The following RREB1 variants were observed in gnomAD, a reference collection of about 807,000 sequenced individuals.
RREB1 encodes the protein ras responsive element binding protein 1, also known as ras-responsive element-binding protein 1.
RREB1 carries 27 observed loss-of-function variants against 117.8 expected under a neutral mutation model. The observed-to-expected ratio is 0.23, with a 90% CI of 0.17 to 0.32. The LOEUF (loss-of-function observed/expected upper bound fraction) is 0.32. Among genes scored for constraint, RREB1 ranks in the 10% least tolerant of loss-of-function variants. The pLI is 1.00. For synonymous variants in RREB1, 1,298 were observed against 1,026.7 expected (o/e 1.26, Z -5.05); for missense variants, 2,577 against 2,378.2 (o/e 1.08, Z -1.74).
Position 7,211,705 on chromosome 6 carries a change from C to T in RREB1, c.703C>T (p.Leu235=). Residue 235 remains leucine (L), a synonymous_variant, in exon 8 of 13, where the codon CTA becomes TTA. Coordinates refer to ENST00000379938, the MANE Select transcript of RREB1 (RefSeq NM_001003699.4). Reference sequence around the variant, plus strand: ...CATGGAGACCCATTCAGATAACCCACTAAGGTAGGAGAAAGAGTGAACTAG... The same window carrying T: ...CATGGAGACCCATTCAGATAACCCATTAAGGTAGGAGAAAGAGTGAACTAG... ...THMETHSDNP[L]RCDICCVTFR... The T allele has an allele frequency of 6.2e-7, 1 of 1,614,066 alleles. No homozygotes were observed. Among genetic ancestry groups the T allele is most frequent in the Non-Finnish European group, 8.5e-7 (1 of 1,179,944 alleles).
At position 7,109,507 on chromosome 6, in the gene RREB1, C is replaced by T. The variant is rs546829251; in HGVS notation, c.-285+1447C>T. Among the ~76,000 whole-genome samples the T allele has an allele frequency of 1.9e-3, 288 of 152,052 alleles. 2 individuals are homozygous for T. The highest frequency in any genetic ancestry group is 6.7e-3 in the African/African-American group (278 of 41,522). ...CGAGCCCACCGATGGGCGAGGCCACCTTTCTCTCCGGGCGGGGCGGGGAGC... is the reference window on the plus strand; with the variant it reads ...CGAGCCCACCGATGGGCGAGGCCACTTTTCTCTCCGGGCGGGGCGGGGAGC... On this transcript the variant is annotated intron_variant, in intron 1 of 12. Transcript: ENST00000379938.
intron 1 of RREB1, among the ~76,000 whole-genome samples, chr6:7,116,829 G>A (rs3851530): frequency 0.014 from 2,205 of 152,310 alleles, 49 homozygotes; most frequent in African/African-American, 0.05. Context: ...TGCACTAAAA[G>A]CTGTCACACT....
intron 1 of RREB1, among the ~76,000 whole-genome samples, chr6:7,149,337 A>G (rs1439196905): frequency 6.6e-6 from 1 of 152,250 alleles, no homozygotes; most frequent in Non-Finnish European, 1.5e-5. Context: ...CAGAGAAGTC[A>G]TAGACATCCT....
intron 1 of RREB1, among the ~76,000 whole-genome samples, chr6:7,153,548 T>G (rs1027620484): frequency 6.6e-5 from 10 of 152,196 alleles, no homozygotes; most frequent in African/African-American, 2.4e-4. Context: ...GTAAATAATT[T>G]TTTTAGTTAG....
chr6:7,200,269 TG>T (rs1353221999), intron 6 of RREB1, among the ~76,000 whole-genome samples: 39 of 138,742 alleles, frequency 2.8e-4, no homozygotes, highest in African/African-American at 1.1e-3. Context: ...TGTGTGTGTG[TG>T]TGTGTGTGTG....
At chr6:7,232,434 T>C (rs1047704498) in intron 10 of RREB1, among the ~76,000 whole-genome samples, 3 of 152,232 alleles carry the variant, frequency 2.0e-5, no homozygotes, top group Non-Finnish European at 4.4e-5. Context: ...GGTTGGCTGT[T>C]TTCTTTCAGT....
intron 1 of RREB1, among the ~76,000 whole-genome samples, chr6:7,162,546 T>G (rs1763722270): frequency 6.6e-6 from 1 of 152,126 alleles, no homozygotes; most frequent in African/African-American, 2.4e-5. Context: ...AAGCCAGGGC[T>G]CTCTGTCTTA....
intron 1 of RREB1, among the ~76,000 whole-genome samples, chr6:7,127,749 G>C (rs1761999873): frequency 6.6e-6 from 1 of 152,196 alleles, no homozygotes; most frequent in Non-Finnish European, 1.5e-5. Flanking sequence ...GCAGCGTCTG[G>C]TGGAAATAGA....
At chr6:7,174,032 TG>T (rs1231268960) in intron 1 of RREB1, among the ~76,000 whole-genome samples, 4 of 152,144 alleles carry the variant, frequency 2.6e-5, no homozygotes, top group Non-Finnish European at 5.9e-5. Context: ...CCGTTGACTT[TG>T]CGTAAATCTT....
chr6:7,159,676 C>T (rs1763552970), intron 1 of RREB1, among the ~76,000 whole-genome samples: 1 of 152,062 alleles, frequency 6.6e-6, no homozygotes, highest in Non-Finnish European at 1.5e-5. Context: ...AGTGTTTTTA[C>T]TTATTGTTGG....
chr6:7,114,471 G>T (rs1004015238), intron 1 of RREB1, among the ~76,000 whole-genome samples: 4 of 151,284 alleles, frequency 2.6e-5, no homozygotes, highest in Non-Finnish European at 4.4e-5. Flanking sequence ...TTTCTGGTGG[G>T]GGGGGGGGCG....
At chr6:7,197,545 T>A (rs1765734499) in intron 6 of RREB1, among the ~76,000 whole-genome samples, 1 of 152,144 alleles carries the variant, frequency 6.6e-6, no homozygotes, top group Middle Eastern at 3.2e-3. Flanking sequence ...ATTAGCCAGA[T>A]TACCCATAAT....
At chr6:7,166,733 C>G (rs1763946009) in intron 1 of RREB1, among the ~76,000 whole-genome samples, 1 of 152,176 alleles carries the variant, frequency 6.6e-6, no homozygotes, top group African/African-American at 2.4e-5. Context: ...GGAGTGTCAT[C>G]CTGAATTCTG....
rs576380046 is a variant in RREB1, at chr6:7,165,640, G to A, written c.-284-11015G>A. On this transcript the variant is annotated intron_variant, in intron 1 of 12. Coordinates refer to ENST00000379938, the MANE Select transcript of RREB1 (RefSeq NM_001003699.4). ...TGCTACAGAGATTTTCCCTGTTAAG[G>A]TGTGTCTGACCCATGGGGACTGGGT... 3.3e-5 allele frequency among the ~76,000 whole-genome samples: 5 copies of A among 152,304 alleles called. No homozygotes were observed. In the South Asian group the frequency reaches 8.3e-4, roughly 25 times the overall value.
chr6:7,121,644 A>C (rs1761684122), intron 1 of RREB1, among the ~76,000 whole-genome samples: 1 of 152,040 alleles, frequency 6.6e-6, no homozygotes. Context: ...CCCCTTTCAC[A>C]AGGAGTGGAA....
intron 1 of RREB1, among the ~76,000 whole-genome samples, chr6:7,147,475 T>C (rs1477074371): frequency 6.6e-6 from 1 of 152,120 alleles, no homozygotes; most frequent in Non-Finnish European, 1.5e-5. Flanking sequence ...GAGGAAAAGA[T>C]GGTTTCCGTG....
At chr6:7,166,737 A>C (rs558998793) in intron 1 of RREB1, among the ~76,000 whole-genome samples, 3 of 152,298 alleles carry the variant, frequency 2.0e-5, no homozygotes, top group South Asian at 4.1e-4. Context: ...TGTCATCCTG[A>C]ATTCTGGGAA....
In RREB1 at chr6:7,231,533, G is replaced by T. The variant is rs763081162; in HGVS notation, c.3434G>T (p.Gly1145Val). 6.8e-6 allele frequency: 11 copies of T among 1,609,348 alleles called. No individual in the cohort carries two copies. Among genetic ancestry groups the T allele is most frequent in the Non-Finnish European group, 7.6e-6 (9 of 1,178,236 alleles). Reference protein sequence around the residue: ...SPEAASPTEQGPAGTSKKRGR... With the variant: ...SPEAASPTEQVPAGTSKKRGR... ...GAGGCTGCCTCTCCCACCGAGCAGG[G>T]CCCAGCGGGCACGTCGAAGAAGAGG... The change falls in exon 10 of 13, where the codon GGC (glycine) becomes GTC (valine). Residue 1145 changes from glycine (G) to valine (V), a missense_variant. By Grantham distance (109) the Gly-to-Val change is moderately radical. Transcript: ENST00000379938.
At chr6:7,223,257 T>TA (rs59558597) in intron 8 of RREB1, among the ~76,000 whole-genome samples, 25,620 of 96,920 alleles carry the variant, frequency 0.26, 3,153 homozygotes, top group African/African-American at 0.34. Context: ...ACTCTCTTTT[T>TA]AAAAAAAAAA....
Sources: gnomAD v4.1 joint callset for allele counts (sites outside exome capture counted in the v4.1 genomes callset) on GRCh38, gnomAD v4.1.1 for gene constraint, MANE v1.5 for transcripts, NCBI Gene and HGNC (gene_info 2026-07-23, HGNC 2026-07-21) for gene names.